TENM2: variants seen among roughly 807,000 people sequenced by gnomAD.
The protein encoded by TENM2 is teneurin-2.
In TENM2, 52 loss-of-function variants were observed where a neutral mutation model predicts 245.2. The observed-to-expected ratio is 0.21, with a 90% CI of 0.17 to 0.27. TENM2 has a LOEUF of 0.27. Among genes scored for constraint, TENM2 ranks in the 10% least tolerant of loss-of-function variants. The pLI is 1.00. For synonymous variants in TENM2, 1,363 were observed against 1,438.9 expected (o/e 0.95, Z 1.19); for missense variants, 3,046 against 3,666.8 (o/e 0.83, Z 4.37).
intron 2 of TENM2, among the ~76,000 whole-genome samples, chr5:167,411,886 C>A (rs560451289): frequency 1.6e-5 from 2 of 124,826 alleles, no homozygotes; most frequent in East Asian, 2.4e-4. Context: ...TGTTGACTGA[C>A]TGCTGATCAA....
intron 5 of TENM2, among the ~76,000 whole-genome samples, chr5:168,008,577 G>A (rs1323386029): frequency 6.6e-6 from 1 of 152,166 alleles, no homozygotes; most frequent in African/African-American, 2.4e-5. Flanking sequence ...CAGTGGGTGT[G>A]TGTTGGTGAG....
intron 2 of TENM2, among the ~76,000 whole-genome samples, chr5:167,754,435 G>A (rs534770081): frequency 6.8e-4 from 104 of 152,152 alleles, no homozygotes; most frequent in African/African-American, 2.4e-3. Context: ...ATCACATCTC[G>A]TCCTTCTGGA....
At chr5:167,975,256 A>C (rs1161276834) in intron 4 of TENM2, among the ~76,000 whole-genome samples, 1 of 152,200 alleles carries the variant, frequency 6.6e-6, no homozygotes, top group East Asian at 1.9e-4. Flanking sequence ...TGCATTTTTA[A>C]AAAGCCTTGC....
chr5:168,030,105 G>C (rs1786980896), intron 5 of TENM2, among the ~76,000 whole-genome samples: 2 of 143,154 alleles, frequency 1.4e-5, no homozygotes, highest in South Asian at 4.9e-4. Flanking sequence ...GGCATGCTGA[G>C]AAAGAATGTC....
intron 23 of TENM2, among the ~76,000 whole-genome samples, chr5:168,224,561 G>A (rs1311424257): frequency 6.6e-6 from 1 of 152,100 alleles, no homozygotes; most frequent in Non-Finnish European, 1.5e-5. Flanking sequence ...TAAGCCCTAA[G>A]CGACAACATC....
At chr5:168,080,409 A>AT (rs1791886007) in intron 7 of TENM2, among the ~76,000 whole-genome samples, 1 of 151,860 alleles carries the variant, frequency 6.6e-6, no homozygotes, top group Non-Finnish European at 1.5e-5. Flanking sequence ...TTTTTGAAGG[A>AT]TTTTTTGTGT....
chr5:167,665,925 G>T (rs1043630507), intron 2 of TENM2, among the ~76,000 whole-genome samples: 2 of 152,056 alleles, frequency 1.3e-5, no homozygotes, highest in African/African-American at 4.8e-5. Context: ...TTCCTCTCCT[G>T]CAAGCAGATA....
chr5:167,281,134 A>C (rs1771035462), upstream of TENM2, among the ~76,000 whole-genome samples: 1 of 146,670 alleles, frequency 6.8e-6, no homozygotes, highest in Non-Finnish European at 1.5e-5. Context: ...TTTGAAATGG[A>C]GTCTCACTCT....
chr5:168,005,244 T>C (rs1784730971), intron 5 of TENM2, among the ~76,000 whole-genome samples: 1 of 152,158 alleles, frequency 6.6e-6, no homozygotes, highest in Admixed American at 6.6e-5. Flanking sequence ...TGTGACTAAA[T>C]GCATCTTGAA....
intron 2 of TENM2, among the ~76,000 whole-genome samples, chr5:167,429,489 A>G (rs1764072904): frequency 6.6e-6 from 1 of 152,210 alleles, no homozygotes; most frequent in African/African-American, 2.4e-5. Context: ...GAGCCTGAAA[A>G]TGAACAAGAC....
intron 3 of TENM2, among the ~76,000 whole-genome samples, chr5:167,940,636 G>A (rs1024877529): frequency 1.3e-5 from 2 of 152,140 alleles, no homozygotes; most frequent in Non-Finnish European, 2.9e-5. Flanking sequence ...TCCAAATCAG[G>A]CAGAGGCCAG....
At chr5:167,236,881 CT>C in the TENM2 span, among the ~76,000 whole-genome samples, 16,159 of 141,208 alleles carry the variant, frequency 0.11, 1,005 homozygotes, top group African/African-American at 0.19. Context: ...ACTTCTATAC[CT>C]TTTTTTTTTT....
chr5:167,922,478 A>G (rs1017841640), intron 3 of TENM2, among the ~76,000 whole-genome samples: 2 of 152,116 alleles, frequency 1.3e-5, no homozygotes, highest in African/African-American at 4.8e-5. Flanking sequence ...TAAAACACAC[A>G]TCCTGCCCTC....
At chr5:168,104,032 G>GT (rs1451151766) in intron 9 of TENM2, among the ~76,000 whole-genome samples, 1 of 151,790 alleles carries the variant, frequency 6.6e-6, no homozygotes, top group Non-Finnish European at 1.5e-5. Flanking sequence ...TTGTTTGTTT[G>GT]TTTGTTTGTT....
chr5:167,343,187 G>A (rs1447362632), intron 1 of TENM2, among the ~76,000 whole-genome samples: 1 of 151,914 alleles, frequency 6.6e-6, no homozygotes, highest in Non-Finnish European at 1.5e-5. Context: ...GGGGTTTTTT[G>A]CTTTTTGTTT....
the TENM2 span, among the ~76,000 whole-genome samples, chr5:167,225,043 T>C: frequency 2.0e-5 from 3 of 152,066 alleles, no homozygotes; most frequent in Non-Finnish European, 2.9e-5. Context: ...GATTTTTGTA[T>C]GTTTATTGTG....
intron 4 of TENM2, among the ~76,000 whole-genome samples, chr5:167,963,801 G>A (rs1386722529): frequency 1.3e-5 from 2 of 151,304 alleles, no homozygotes; most frequent in Non-Finnish European, 2.9e-5. Context: ...TTTTTTCTAT[G>A]ATGAGTACAT....
intron 3 of TENM2, among the ~76,000 whole-genome samples, chr5:167,892,913 A>G (rs192710989): frequency 1.3e-5 from 2 of 152,326 alleles, no homozygotes; most frequent in East Asian, 3.9e-4. Context: ...CATGCAAGTT[A>G]TCATGATTGT....
chr5:167,779,115 C>T (rs958374199), intron 2 of TENM2, among the ~76,000 whole-genome samples: 2 of 152,190 alleles, frequency 1.3e-5, no homozygotes, highest in African/African-American at 4.8e-5. Flanking sequence ...AAAGTATTCT[C>T]AGCACACAAC....
Sources: gnomAD v4.1 joint callset for allele counts (sites outside exome capture counted in the v4.1 genomes callset) on GRCh38, gnomAD v4.1.1 for gene constraint, MANE v1.5 for transcripts, NCBI Gene and HGNC (gene_info 2026-07-23, HGNC 2026-07-21) for gene names.